Variants in KHDRBS2 observed in about 807,000 individuals in gnomAD.
The protein encoded by KHDRBS2 is KH domain-containing, RNA-binding, signal transduction-associated protein 2.
KHDRBS2 carries 26 observed loss-of-function variants against 44.3 expected under a neutral mutation model. That is an observed-to-expected ratio of 0.59 (90% confidence interval 0.43 to 0.81). KHDRBS2 has a LOEUF of 0.81. Ranked by LOEUF, KHDRBS2 falls within the 40% of genes least tolerant of loss-of-function variation. The pLI, the probability that KHDRBS2 is intolerant of heterozygous loss-of-function variation, is 0.00. For missense variants in KHDRBS2, 476 were observed against 433.1 expected (o/e 1.10, Z -0.88); for synonymous variants, 194 against 151.1 (o/e 1.28, Z -2.08).
At chr6:62,203,870 T>C (rs1392418073) in intron 1 of KHDRBS2, among the ~76,000 whole-genome samples, 3 of 152,180 alleles carry the variant, frequency 2.0e-5, no homozygotes, top group African/African-American at 7.2e-5. Flanking sequence ...GAAGGCCTAA[T>C]GGCAGACGTT....
chr6:61,547,616 A>T, the KHDRBS2 span, among the ~76,000 whole-genome samples: 1 of 152,040 alleles, frequency 6.6e-6, no homozygotes, highest in African/African-American at 2.4e-5. Context: ...GTGACTCTTA[A>T]TCCCTGGTTT....
At chr6:61,912,092 A>C (rs568024353) in intron 4 of KHDRBS2, among the ~76,000 whole-genome samples, 11 of 152,144 alleles carry the variant, frequency 7.2e-5, no homozygotes, top group Admixed American at 3.3e-4. Flanking sequence ...AAGGGTTAAG[A>C]ATGTTAAGTG....
chr6:62,105,548 T>C (rs186404894), intron 2 of KHDRBS2, among the ~76,000 whole-genome samples: 8 of 152,326 alleles, frequency 5.3e-5, no homozygotes, highest in Admixed American at 3.9e-4. Context: ...CTTCTAGATT[T>C]TCTAGTTTAT....
At chr6:61,915,722 G>A (rs1184021689) in intron 4 of KHDRBS2, among the ~76,000 whole-genome samples, 2 of 152,082 alleles carry the variant, frequency 1.3e-5, no homozygotes, top group East Asian at 1.9e-4. Flanking sequence ...AAACCCTCTC[G>A]AGGAGAAAGA....
intron 6 of KHDRBS2, among the ~76,000 whole-genome samples, chr6:61,792,191 C>T (rs1784722306): frequency 6.6e-6 from 1 of 151,544 alleles, no homozygotes; most frequent in East Asian, 1.9e-4. Context: ...AAAAATAAGA[C>T]TTTACAACAT....
chr6:62,107,873 G>A (rs1803865570), intron 2 of KHDRBS2, among the ~76,000 whole-genome samples: 1 of 152,106 alleles, frequency 6.6e-6, no homozygotes, highest in Admixed American at 6.6e-5. Flanking sequence ...AATGGTGCTG[G>A]GAAAACTTGT....
chr6:62,232,888 TACA>T (rs1384308242), intron 1 of KHDRBS2, among the ~76,000 whole-genome samples: 2 of 152,236 alleles, frequency 1.3e-5, no homozygotes, highest in East Asian at 1.9e-4. Flanking sequence ...ACCAACAAAG[TACA>T]ACAAGGTCAA....
intron 4 of KHDRBS2, among the ~76,000 whole-genome samples, chr6:61,946,079 C>T (rs1414130622): frequency 5.9e-5 from 9 of 152,136 alleles, no homozygotes; most frequent in Non-Finnish European, 1.2e-4. Context: ...AGTACATCAT[C>T]CTCCTACACA....
intron 3 of KHDRBS2, among the ~76,000 whole-genome samples, chr6:62,034,629 AG>A (rs1408762037): frequency 6.7e-6 from 1 of 150,296 alleles, no homozygotes; most frequent in Non-Finnish European, 1.5e-5. Context: ...AATTGTGTAT[AG>A]AAGAAACATA....
chr6:61,633,514 G>A, the KHDRBS2 span, among the ~76,000 whole-genome samples: 1 of 151,958 alleles, frequency 6.6e-6, no homozygotes, highest in African/African-American at 2.4e-5. Flanking sequence ...TACAAAATCT[G>A]CAATCTGGCT....
chr6:62,235,445 C>A (rs1212719550), intron 1 of KHDRBS2, among the ~76,000 whole-genome samples: 1 of 151,914 alleles, frequency 6.6e-6, no homozygotes, highest in Admixed American at 6.6e-5. Flanking sequence ...CTTCTCATAC[C>A]TTCCTGAGTT....
the KHDRBS2 span, among the ~76,000 whole-genome samples, chr6:61,634,034 C>A: frequency 2.0e-5 from 3 of 152,008 alleles, no homozygotes; most frequent in African/African-American, 7.2e-5. Context: ...CATTTATTAA[C>A]CACATTTTTA....
At chr6:61,925,344 A>T (rs1808757154) in intron 4 of KHDRBS2, among the ~76,000 whole-genome samples, 1 of 152,222 alleles carries the variant, frequency 6.6e-6, no homozygotes, top group Non-Finnish European at 1.5e-5. Flanking sequence ...AGATGTAGAG[A>T]TGTTAAGGAA....
chr6:61,627,185 G>A, the KHDRBS2 span, among the ~76,000 whole-genome samples: 3 of 147,154 alleles, frequency 2.0e-5, no homozygotes, highest in African/African-American at 2.5e-5. Flanking sequence ...CCTGGGAGGC[G>A]GAGCTTGCAG....
At chr6:61,653,963 G>A in the KHDRBS2 span, among the ~76,000 whole-genome samples, 1 of 151,900 alleles carries the variant, frequency 6.6e-6, no homozygotes, top group Non-Finnish European at 1.5e-5. Flanking sequence ...CCCTACTTTG[G>A]CAGCTTTGGA....
intron 6 of KHDRBS2, among the ~76,000 whole-genome samples, chr6:61,756,272 T>C (rs1278391774): frequency 6.6e-6 from 1 of 152,156 alleles, no homozygotes; most frequent in Non-Finnish European, 1.5e-5. Flanking sequence ...TTATTTTTTT[T>C]TTGAGATGGA....
chr6:61,714,213 ACC>A (rs1562013089), intron 7 of KHDRBS2, among the ~76,000 whole-genome samples: 2 of 151,764 alleles, frequency 1.3e-5, no homozygotes, highest in African/African-American at 4.8e-5. Context: ...CAACAAAAAA[ACC>A]CCCAAATAAT....
At chr6:61,563,720 G>T in the KHDRBS2 span, among the ~76,000 whole-genome samples, 1 of 152,132 alleles carries the variant, frequency 6.6e-6, no homozygotes, top group South Asian at 2.1e-4. Context: ...TATACAAAAT[G>T]TGTAGTCATT....
At chr6:61,998,260 T>G (rs1777586014) in intron 3 of KHDRBS2, among the ~76,000 whole-genome samples, 1 of 152,070 alleles carries the variant, frequency 6.6e-6, no homozygotes, top group Admixed American at 6.6e-5. Flanking sequence ...TGAGAAGAAA[T>G]TGAATTAATT....
Sources: gnomAD v4.1 joint callset for allele counts (sites outside exome capture counted in the v4.1 genomes callset) on GRCh38, gnomAD v4.1.1 for gene constraint, MANE v1.5 for transcripts, NCBI Gene and HGNC (gene_info 2026-07-23, HGNC 2026-07-21) for gene names.